DAB1: variants seen among roughly 807,000 people sequenced by gnomAD.
The protein encoded by DAB1 is disabled homolog 1.
Under a neutral mutation model 64.6 loss-of-function variants are expected in DAB1, and 15 were observed. The observed-to-expected ratio is 0.23, with a 90% CI of 0.16 to 0.36. The LOEUF (loss-of-function observed/expected upper bound fraction) is 0.36, where lower values mean the gene tolerates loss of function less well. Among genes scored for constraint, DAB1 ranks in the 10% least tolerant of loss-of-function variants. DAB1 has a pLI of 1.00. For missense variants in DAB1, 596 were observed against 706.7 expected, an observed-to-expected ratio of 0.84 and a Z score of 1.78; for synonymous variants, 235 against 251.9, an observed-to-expected ratio of 0.93 and a Z score of 0.64.
At chr1:58,485,012 T>C (rs911085342) in intron 3 of DAB1, among the ~76,000 whole-genome samples, 1 of 151,952 alleles carries the variant, frequency 6.6e-6, no homozygotes, top group Non-Finnish European at 1.5e-5. Flanking sequence ...ATGCACTGAA[T>C]GTACAGCACC....
At chr1:57,481,666 A>T (rs1342467521) in intron 7 of DAB1, among the ~76,000 whole-genome samples, 1 of 152,004 alleles carries the variant, frequency 6.6e-6, no homozygotes, top group Non-Finnish European at 1.5e-5. Context: ...AAAATACAAA[A>T]ATTAGCCAGG....
At chr1:57,488,174 C>T (rs920505846) in intron 7 of DAB1, among the ~76,000 whole-genome samples, 11 of 151,968 alleles carry the variant, frequency 7.2e-5, no homozygotes, top group South Asian at 2.1e-4. Flanking sequence ...GAGGCCAAGA[C>T]GGGTGGATTA....
chr1:57,445,072 G>A (rs1686087255), intron 7 of DAB1, among the ~76,000 whole-genome samples: 1 of 152,084 alleles, frequency 6.6e-6, no homozygotes, highest in Non-Finnish European at 1.5e-5. Flanking sequence ...AACTTATACT[G>A]AAATGGGACT....
chr1:57,745,289 C>T (rs1335702276), intron 6 of DAB1, among the ~76,000 whole-genome samples: 1 of 152,070 alleles, frequency 6.6e-6, no homozygotes, highest in African/African-American at 2.4e-5. Flanking sequence ...ATGGTGACCT[C>T]AACAGGGGTA....
At chr1:57,941,559 G>A (rs370032666) in intron 5 of DAB1, among the ~76,000 whole-genome samples, 30 of 152,330 alleles carry the variant, frequency 2.0e-4, no homozygotes, top group South Asian at 6.2e-4. Context: ...CGAATGGGCC[G>A]GGCATGGTGG....
intron 9 of DAB1, among the ~76,000 whole-genome samples, chr1:57,056,554 A>T (rs1483948580): frequency 6.6e-6 from 1 of 151,904 alleles, no homozygotes; most frequent in Admixed American, 6.6e-5. Flanking sequence ...ACAAATTTCA[A>T]ATTTGTGGTT....
chr1:58,152,939 A>C (rs2100736155), intron 4 of DAB1, among the ~76,000 whole-genome samples: 1 of 152,288 alleles, frequency 6.6e-6, no homozygotes. Context: ...TGAACTTGAA[A>C]CTTTATCCTT....
intron 5 of DAB1, among the ~76,000 whole-genome samples, chr1:57,912,108 T>C (rs1355984338): frequency 2.6e-5 from 4 of 152,210 alleles, no homozygotes; most frequent in Admixed American, 1.3e-4. Flanking sequence ...ATTCCACTTC[T>C]GCAAATCTTA....
rs552111600 is a variant in DAB1, at chr1:58,329,765, A to T, written n.309+13587T>A. On this transcript the variant is annotated intron_variant and non_coding_transcript_variant, in intron 4 of 20. Coordinates refer to the DAB1 transcript ENST00000485760. ...TTTGTAATCAGTATCTTTTGATGTT[A>T]CTATTGCAACTGTTTTGGGGCACCG... 4.6e-5 allele frequency among the ~76,000 whole-genome samples: 7 copies of T among 152,266 alleles called. No individual in the cohort carries two copies. In the East Asian group the frequency reaches 1.4e-3, roughly 29 times the overall value.
intron 2 of DAB1, among the ~76,000 whole-genome samples, chr1:57,200,162 G>GTCTC (rs774839123): frequency 3.3e-5 from 5 of 152,154 alleles, no homozygotes; most frequent in Non-Finnish European, 5.9e-5. Context: ...CTATACTCCT[G>GTCTC]TCTCTCCCTT....
At chr1:58,166,244 C>A (rs1217811840) in intron 4 of DAB1, among the ~76,000 whole-genome samples, 1 of 152,166 alleles carries the variant, frequency 6.6e-6, no homozygotes, top group Non-Finnish European at 1.5e-5. Context: ...CATAACCGTG[C>A]AACTATCACT....
In DAB1 at chr1:57,814,870, CCT is replaced by C. The variant is rs1314737586; in HGVS notation, n.551+69127_551+69128del. On this transcript the variant is annotated intron_variant and non_coding_transcript_variant, in intron 6 of 20. Coordinates refer to the DAB1 transcript ENST00000485760. ...TGAGTGTGAGCAAATCGCTTAGTGCCCTGAGAGTCTGTTCTTCTCATACCTAA... is the reference window on the plus strand; with the variant it reads ...TGAGTGTGAGCAAATCGCTTAGTGCCGAGAGTCTGTTCTTCTCATACCTAA... Among the ~76,000 whole-genome samples the C allele has an allele frequency of 7.2e-5, 11 of 152,162 alleles. No individual in the cohort carries two copies. The East Asian group carries it at 2.1e-3, about 29-fold the overall frequency.
At chr1:58,034,694 A>T (rs1355370414) in intron 5 of DAB1, among the ~76,000 whole-genome samples, 3 of 152,188 alleles carry the variant, frequency 2.0e-5, no homozygotes, top group Non-Finnish European at 4.4e-5. Context: ...ATTTCTTCCC[A>T]TCCCAAAGGA....
intron 12 of DAB1, 107 bp downstream of exon 12, chr1:57,014,776 A>G (rs1456202751): frequency 3.5e-6 from 3 of 849,118 alleles, no homozygotes; most frequent in Non-Finnish European, 3.6e-6. Context: ...TAAACAAAGA[A>G]GCCTGATTAA....
chr1:57,399,102 T>C (rs2101025144), intron 1 of DAB1, among the ~76,000 whole-genome samples: 2 of 152,318 alleles, frequency 1.3e-5, no homozygotes, highest in African/African-American at 4.8e-5. Flanking sequence ...GAACTTTTTT[T>C]TTCTTCTTTT....
intron 2 of DAB1, among the ~76,000 whole-genome samples, chr1:58,515,421 ATT>A (rs1557448927): frequency 6.6e-6 from 1 of 152,152 alleles, no homozygotes; most frequent in Non-Finnish European, 1.5e-5. Context: ...AATATAATAA[ATT>A]AAGTTTTAAT....
chr1:57,145,198 GAATA>G, intron 3 of DAB1, 88 bp downstream of exon 3: 1 of 1,292,700 alleles, frequency 7.7e-7, no homozygotes, highest in South Asian at 1.3e-5. Flanking sequence ...ACCAATAAAT[GAATA>G]AAGTTATTTA....
At chr1:57,311,427 A>G (rs1374113207) in intron 1 of DAB1, among the ~76,000 whole-genome samples, 1 of 123,782 alleles carries the variant, frequency 8.1e-6, no homozygotes, top group Non-Finnish European at 1.6e-5. Flanking sequence ...CAAGCTTAGA[A>G]TGTGAAAATG....
chr1:58,023,205 C>T (rs58940969), intron 5 of DAB1, among the ~76,000 whole-genome samples: 2,259 of 152,108 alleles, frequency 0.015, 50 homozygotes, highest in African/African-American at 0.052. Context: ...TAAACCTCTC[C>T]AATACCCCCA....
Sources: gnomAD v4.1 joint callset for allele counts (sites outside exome capture counted in the v4.1 genomes callset) on GRCh38, gnomAD v4.1.1 for gene constraint, MANE v1.5 for transcripts, NCBI Gene and HGNC (gene_info 2026-07-23, HGNC 2026-07-21) for gene names.